The following DNAH12 variants were observed in gnomAD, a reference collection of about 807,000 sequenced individuals.
DNAH12 encodes dynein axonemal heavy chain 12.
Under a neutral mutation model 371.5 loss-of-function variants are expected in DNAH12, and 285 were observed. That is an observed-to-expected ratio of 0.77 (90% CI 0.70 to 0.85). DNAH12 has a LOEUF of 0.85. Ranked by LOEUF, DNAH12 falls within the 40% of genes least tolerant of loss-of-function variation. The probability of loss-of-function intolerance (pLI) is 0.00; values close to 1 mark genes in which losing one functional copy is unlikely to be tolerated. For synonymous variants in DNAH12, 1,200 were observed against 1,213.0 expected, an observed-to-expected ratio of 0.99 and a Z score of 0.22; for missense variants, 3,611 against 3,689.4, an observed-to-expected ratio of 0.98 and a Z score of 0.55.
At chr3:57,452,456 C>A (rs1465276478) in intron 25 of DNAH12, among the ~76,000 whole-genome samples, 1 of 152,116 alleles carries the variant, frequency 6.6e-6, no homozygotes, top group African/African-American at 2.4e-5. Flanking sequence ...TTTCATCTCT[C>A]CATCCTACTT....
At chr3:57,389,373 T>G (rs1376276782) in intron 45 of DNAH12, among the ~76,000 whole-genome samples, 1 of 152,214 alleles carries the variant, frequency 6.6e-6, no homozygotes, top group Non-Finnish European at 1.5e-5. Flanking sequence ...CCAGTCTTAC[T>G]GTATCTTCAA....
At chr3:57,326,324 C>T (rs2061944866) in intron 62 of DNAH12, among the ~76,000 whole-genome samples, 3 of 152,030 alleles carry the variant, frequency 2.0e-5, no homozygotes. Context: ...GTCGGGTTAC[C>T]CACAAAGGGA....
intron 60 of DNAH12, among the ~76,000 whole-genome samples, chr3:57,338,796 G>A (rs1553655009): frequency 6.6e-6 from 1 of 152,194 alleles, no homozygotes; most frequent in East Asian, 1.9e-4. Context: ...TCTGGGAAGT[G>A]AGGAGCACCT....
At position 57,334,778 on chromosome 3, in the gene DNAH12, T is replaced by C; in HGVS notation, c.9833+4A>G. On this transcript the variant is annotated splice_donor_region_variant and intron_variant, in intron 61 of 73. Transcript: ENST00000495027. The stretch of plus-strand genomic sequence containing the variant: ...ATGATAAATCATCGAATTTAAACAA[T>C]CACCTGAGTCCTCTGAAGGCAGGAA... 6.5e-7 allele frequency: 1 copy of C among 1,539,054 alleles called. No individual in the cohort carries two copies. Among genetic ancestry groups the C allele is most frequent in the Non-Finnish European group, 8.7e-7 (1 of 1,143,712 alleles).
chr3:57,342,484 CAAAAAAAAAAAA>C (rs71088060), intron 60 of DNAH12, among the ~76,000 whole-genome samples: 8 of 66,038 alleles, frequency 1.2e-4, no homozygotes, highest in Non-Finnish European at 2.2e-4. Flanking sequence ...ACTAAAAATA[CAAAAAAAAAAAA>C]AAAAAAAAAA....
chr3:57,508,097 T>A (rs780774802), intron 7 of DNAH12, among the ~76,000 whole-genome samples: 34 of 149,110 alleles, frequency 2.3e-4, no homozygotes, highest in Non-Finnish European at 1.2e-4. Context: ...TGAGGCAGGA[T>A]AATTGCTTGA....
At chr3:57,477,005 G>C (rs1284645004) in intron 13 of DNAH12, among the ~76,000 whole-genome samples, 3 of 152,190 alleles carry the variant, frequency 2.0e-5, no homozygotes, top group African/African-American at 7.2e-5. Context: ...GAGCGACGCA[G>C]AAGATGGGTG....
intron 59 of DNAH12, among the ~76,000 whole-genome samples, chr3:57,355,297 G>C (rs2062772812): frequency 6.6e-6 from 1 of 152,066 alleles, no homozygotes; most frequent in African/African-American, 2.4e-5. Context: ...GTACAGGATT[G>C]AATTTTGGAG....
chr3:57,517,957 G>A (rs1199432147), intron 4 of DNAH12, among the ~76,000 whole-genome samples: 2 of 152,124 alleles, frequency 1.3e-5, no homozygotes, highest in African/African-American at 4.8e-5. Context: ...GGGAGGCTGA[G>A]GCTAAGAGAT....
chr3:57,540,379 T>C (rs1384723263), intron 2 of DNAH12, among the ~76,000 whole-genome samples: 1 of 152,150 alleles, frequency 6.6e-6, no homozygotes, highest in Non-Finnish European at 1.5e-5. Flanking sequence ...GTAACAGGTA[T>C]CTGTGTAACA....
intron 60 of DNAH12, among the ~76,000 whole-genome samples, chr3:57,341,591 A>T (rs1553656166): frequency 6.6e-6 from 1 of 152,100 alleles, no homozygotes; most frequent in African/African-American, 2.4e-5. Context: ...AAAAACAATG[A>T]TTTTTTGAAA....
At chr3:57,469,392 A>G (rs148118550) in intron 16 of DNAH12, among the ~76,000 whole-genome samples, 113 of 152,354 alleles carry the variant, frequency 7.4e-4, no homozygotes, top group Middle Eastern at 3.4e-3. Context: ...GGGACTGTAA[A>G]TTAGCTGAGC....
At chr3:57,408,158 TG>T (rs2064094404) in intron 40 of DNAH12, 121 bp downstream of exon 40, 1 of 1,108,516 alleles carries the variant, frequency 9.0e-7, no homozygotes. Context: ...TCCTATTCTC[TG>T]GTCTTCTAAA....
At chr3:57,387,241 A>G (rs2063514216) in intron 45 of DNAH12, 22 bp from the exon 46 acceptor site, 1 of 152,180 alleles carries the variant, frequency 6.6e-6, no homozygotes, top group African/African-American at 2.4e-5. Context: ...AAAAAGAAAA[A>G]CACTTGAAAT....
intron 39 of DNAH12, among the ~76,000 whole-genome samples, chr3:57,413,465 C>T (rs546800190): frequency 6.6e-6 from 1 of 152,128 alleles, no homozygotes; most frequent in South Asian, 2.1e-4. Flanking sequence ...TATACCAACG[C>T]AGGCTTATCA....
chr3:57,482,622 C>T (rs577174669), intron 13 of DNAH12, among the ~76,000 whole-genome samples: 45 of 152,148 alleles, frequency 3.0e-4, no homozygotes, highest in South Asian at 1.2e-3. Context: ...CACATGCACA[C>T]GTATGTTTAT....
At chr3:57,305,343 C>A (rs2061446944) in intron 69 of DNAH12, among the ~76,000 whole-genome samples, 1 of 152,074 alleles carries the variant, frequency 6.6e-6, no homozygotes, top group African/African-American at 2.4e-5. Flanking sequence ...TCCCCTCCTC[C>A]CCAGGCTGCT....
chr3:57,325,556 C>G (rs2061922825), intron 62 of DNAH12, among the ~76,000 whole-genome samples: 1 of 152,128 alleles, frequency 6.6e-6, no homozygotes, highest in South Asian at 2.1e-4. Flanking sequence ...ACATCCACAC[C>G]AAAAACCCAT....
In DNAH12 at chr3:57,341,416, C is replaced by G. The variant is rs143380720; in HGVS notation, c.9675-6476G>C. Among the ~76,000 whole-genome samples, 174 of 152,048 alleles carry G rather than the reference C, an allele frequency of 1.1e-3. 5 individuals carry two copies. The East Asian group carries it at 0.032, about 28-fold the overall frequency. Reference sequence around the variant, plus strand: ...CAGTAAAGTTGCAGGATATAGATATCAACATACAAAAATTGGTGGTGTTTT... The same window carrying G: ...CAGTAAAGTTGCAGGATATAGATATGAACATACAAAAATTGGTGGTGTTTT... On this transcript the variant is annotated intron_variant, in intron 60 of 73. Transcript: ENST00000495027.
Sources: allele counts gnomAD v4.1 joint callset (sites outside exome capture counted in the v4.1 genomes callset), GRCh38; gene constraint gnomAD v4.1.1; transcripts MANE v1.5; gene names NCBI Gene and HGNC (gene_info 2026-07-23, HGNC 2026-07-21).